Variants in DLGAP2 observed in about 807,000 individuals in gnomAD.
DLGAP2 encodes DLG associated protein 2, also known as disks large-associated protein 2.
DLGAP2 carries 26 observed loss-of-function variants against 100.3 expected under a neutral mutation model. The ratio of observed to expected loss-of-function variants is 0.26; its 90% CI spans 0.19 to 0.36. The LOEUF is 0.36. Among genes scored for constraint, DLGAP2 ranks in the 10% least tolerant of loss-of-function variants. The pLI is 1.00. For synonymous variants in DLGAP2, 886 were observed against 630.1 expected (o/e 1.41, Z -6.08); for missense variants, 1,858 against 1,453.2 (o/e 1.28, Z -4.53).
chr8:814,691 C>CA (rs879636608), intron 1 of DLGAP2, among the ~76,000 whole-genome samples: 1,793 of 140,326 alleles, frequency 0.013, 31 homozygotes, highest in African/African-American at 0.039. Flanking sequence ...ACTAAAAATA[C>CA]AAAAAAAAAA....
intron 2 of DLGAP2, among the ~76,000 whole-genome samples, chr8:983,233 G>A (rs185602313): frequency 3.3e-5 from 5 of 152,058 alleles, no homozygotes; most frequent in African/African-American, 4.8e-5. Context: ...ACAGGTCCTC[G>A]AGATGTTCTT....
At chr8:1,099,887 C>G (rs1324389358) in intron 2 of DLGAP2, among the ~76,000 whole-genome samples, 1 of 152,220 alleles carries the variant, frequency 6.6e-6, no homozygotes, top group Non-Finnish European at 1.5e-5. Context: ...GGAAACACGT[C>G]CCTTCTATTA....
chr8:846,481 T>G (rs1487101395), intron 1 of DLGAP2, among the ~76,000 whole-genome samples: 1 of 152,256 alleles, frequency 6.6e-6, no homozygotes, highest in Non-Finnish European at 1.5e-5. Flanking sequence ...CTTTTATGGC[T>G]GAATAGTATT....
At chr8:897,551 G>T (rs1362187581) in intron 1 of DLGAP2, among the ~76,000 whole-genome samples, 1 of 152,156 alleles carries the variant, frequency 6.6e-6, no homozygotes, top group South Asian at 2.1e-4. Context: ...AAACATGGGC[G>T]CCCGGTAAGA....
At chr8:935,884 C>G (rs755125242) in intron 2 of DLGAP2, among the ~76,000 whole-genome samples, 18 of 152,128 alleles carry the variant, frequency 1.2e-4, no homozygotes, top group Non-Finnish European at 1.9e-4. Context: ...ATTAAAATGT[C>G]TATCAATTAT....
intron 2 of DLGAP2, among the ~76,000 whole-genome samples, chr8:978,915 T>G (rs1403814518): frequency 6.6e-6 from 1 of 152,172 alleles, no homozygotes; most frequent in Non-Finnish European, 1.5e-5. Flanking sequence ...ATTGCAAAAA[T>G]AACTCCGTAA....
intron 2 of DLGAP2, among the ~76,000 whole-genome samples, chr8:1,194,101 T>A (rs1797699504): frequency 1.3e-5 from 2 of 151,818 alleles, no homozygotes; most frequent in South Asian, 4.2e-4. Flanking sequence ...CCAAGTCCAG[T>A]TTTGACGCTG....
chr8:1,165,323 A>C (rs529950536), intron 2 of DLGAP2, among the ~76,000 whole-genome samples: 1 of 152,140 alleles, frequency 6.6e-6, no homozygotes, highest in East Asian at 1.9e-4. Flanking sequence ...GAGCACGCGC[A>C]TACAGCATCA....
At chr8:1,456,079 T>C (rs1171913853) in intron 3 of DLGAP2, among the ~76,000 whole-genome samples, 15 of 152,212 alleles carry the variant, frequency 9.9e-5, no homozygotes, top group Admixed American at 9.8e-4. Context: ...CCTGGGTCCC[T>C]CCCAGCAGCT....
chr8:1,318,423 G>A (rs190619990), intron 3 of DLGAP2, among the ~76,000 whole-genome samples: 1 of 151,104 alleles, frequency 6.6e-6, no homozygotes, highest in Admixed American at 6.6e-5. Flanking sequence ...CACCCAGATT[G>A]TTAGTGACCT....
intron 6 of DLGAP2, among the ~76,000 whole-genome samples, chr8:1,586,043 G>T (rs529676295): frequency 6.6e-6 from 1 of 152,156 alleles, no homozygotes; most frequent in East Asian, 1.9e-4. Flanking sequence ...TTAGTTTTCC[G>T]TTGCTGTCAT....
intron 3 of DLGAP2, among the ~76,000 whole-genome samples, chr8:1,420,390 C>T (rs1239452106): frequency 2.0e-5 from 3 of 152,204 alleles, no homozygotes; most frequent in African/African-American, 7.2e-5. Context: ...AAGCCTATTT[C>T]TGGCCACCTC....
At chr8:1,687,610 A>G (rs1167213489) in intron 12 of DLGAP2, among the ~76,000 whole-genome samples, 1 of 152,210 alleles carries the variant, frequency 6.6e-6, no homozygotes, top group Admixed American at 6.6e-5. Context: ...AGCAATATTC[A>G]ATTTATTCCC....
At chr8:1,316,342 T>G (rs1422836917) in intron 3 of DLGAP2, among the ~76,000 whole-genome samples, 1 of 138,236 alleles carries the variant, frequency 7.2e-6, no homozygotes, top group Non-Finnish European at 1.5e-5. Flanking sequence ...ATAGAGCCTG[T>G]GCGAGTGCAG....
chr8:996,689 AC>A (rs1800793705), intron 2 of DLGAP2, among the ~76,000 whole-genome samples: 1 of 152,118 alleles, frequency 6.6e-6, no homozygotes, highest in Admixed American at 6.6e-5. Flanking sequence ...ATGGAATGAA[AC>A]CCCCTCAAGT....
At chr8:1,507,340 C>G (rs990198806) in intron 4 of DLGAP2, among the ~76,000 whole-genome samples, 26 of 152,216 alleles carry the variant, frequency 1.7e-4, no homozygotes, top group Admixed American at 1.7e-3. Flanking sequence ...TGGCGTGCAG[C>G]GCCGGTGGGC....
In DLGAP2 at chr8:1,140,854, T is replaced by A. The variant is rs575669347; in HGVS notation, c.74-117997T>A. 5.9e-5 allele frequency among the ~76,000 whole-genome samples: 9 copies of A among 152,226 alleles called. No individual in the cohort carries two copies. The South Asian group carries it at 1.5e-3, about 25-fold the overall frequency. On this transcript the variant is annotated intron_variant, in intron 2 of 14. Coordinates refer to ENST00000637795, the MANE Select transcript of DLGAP2 (RefSeq NM_001346810.2). ...TAGGCGTGGTGGCATATGCCTGTAA[T>A]CCCAGCTACTCAGAGGCCAAGGCAG...
chr8:1,180,599 G>A (rs1797362149), intron 2 of DLGAP2, among the ~76,000 whole-genome samples: 1 of 144,932 alleles, frequency 6.9e-6, no homozygotes, highest in Admixed American at 7.3e-5. Context: ...TGTCGAGTGT[G>A]TGTGGGTGTG....
At chr8:1,233,232 G>T (rs1798574009) in intron 2 of DLGAP2, among the ~76,000 whole-genome samples, 1 of 152,226 alleles carries the variant, frequency 6.6e-6, no homozygotes, top group Non-Finnish European at 1.5e-5. Context: ...TCTTGGCTAT[G>T]ATGAATGAGA....
Sources: gnomAD v4.1 joint callset for allele counts (sites outside exome capture counted in the v4.1 genomes callset) on GRCh38, gnomAD v4.1.1 for gene constraint, MANE v1.5 for transcripts, NCBI Gene and HGNC (gene_info 2026-07-23, HGNC 2026-07-21) for gene names.